Variants in ATAD3B observed in about 807,000 individuals in gnomAD.
ATAD3B encodes ATPase family AAA domain-containing protein 3B.
ATAD3B carries 59 observed loss-of-function variants against 70.2 expected under a neutral mutation model. The observed-to-expected ratio is 0.84, with a 90% CI of 0.68 to 1.04. The LOEUF (loss-of-function observed/expected upper bound fraction) is 1.04. Among genes scored for constraint, ATAD3B ranks in the 50% least tolerant of loss-of-function variants. ATAD3B has a pLI of 0.00. For synonymous variants in ATAD3B, 423 were observed against 388.6 expected (o/e 1.09, Z -1.04); for missense variants, 961 against 913.4 (o/e 1.05, Z -0.67).
rs1257312191 is a variant in ATAD3B, at chr1:1,497,523, A to G, written c.*1706A>G. 2 of 150,376 alleles carry G rather than the reference A, an allele frequency of 1.3e-5. No individual in the cohort carries two copies. 9.3% of individuals were successfully genotyped at this position (150,376 alleles called of 1,614,324 possible). ...CAAGCCTGGCCTCAATTCCTCTTTA[A>G]AGGAATTGCCTAAATCTTAAACCAG... is the stretch of plus-strand genomic sequence containing the variant. On this transcript the variant is annotated 3_prime_UTR_variant, in exon 16 of 16. Transcript: ENST00000673477.
chr1:1,478,684 TCC>T lies in ATAD3B; in HGVS notation c.324_325del (p.Ile108MetfsTer5). On this transcript the variant is annotated frameshift_variant, in exon 3 of 16. Coordinates refer to ENST00000673477, the MANE Select transcript of ATAD3B (RefSeq NM_031921.6). LOFTEE classifies it high-confidence loss of function. Reference sequence around the variant, plus strand: ...GTGGAGCAGCTCAAGAGCGAGCAGATCCGGGCGCAGGCTGAGGAGAGGAGGAA... The same window carrying T: ...GTGGAGCAGCTCAAGAGCGAGCAGATGGGCGCAGGCTGAGGAGAGGAGGAA... 1 of 1,542,058 alleles carries T rather than the reference TCC, an allele frequency of 6.5e-7. No homozygotes were observed. The highest frequency in any genetic ancestry group is 8.7e-7 in the Non-Finnish European group (1 of 1,143,612).
rs1484801975 is a variant in ATAD3B at position 1,482,565 on chromosome 1, G to C, written c.701G>C (p.Gly234Ala). The change falls in exon 7 of 16, where the codon GGG becomes GCG. Residue 234 changes from glycine to alanine, a missense_variant. Coordinates refer to ENST00000673477, the MANE Select transcript of ATAD3B (RefSeq NM_031921.6). ...ESIRTAGTLF[G>A]EGFRAFVTDR... is the part of the protein sequence containing the mutation. ...CGCAGGACGGCTGGCACCTTGTTTG[G>C]GGAAGGATTCCGTGCCTTTGTGACA... The C allele has an allele frequency of 2.5e-6, 4 of 1,613,246 alleles. No individual in the cohort carries two copies. The South Asian group carries it at 4.4e-5, about 18-fold the overall frequency.
At chr1:1,498,445 A>G (rs979388642), downstream of ATAD3B, among the ~76,000 whole-genome samples, 11 of 151,602 alleles carry the variant, frequency 7.3e-5, no homozygotes, top group African/African-American at 2.2e-4. Flanking sequence ...TGGGTGACAG[A>G]GTGAGACCCT....
At chr1:1,480,097 C>T (rs1639828312) in intron 4 of ATAD3B, among the ~76,000 whole-genome samples, 1 of 145,302 alleles carries the variant, frequency 6.9e-6, no homozygotes, top group Non-Finnish European at 1.5e-5. Flanking sequence ...GCGCACACCG[C>T]CGCAAACACA....
chr1:1,499,676 C>T (rs1277771154), downstream of ATAD3B, among the ~76,000 whole-genome samples: 1 of 148,984 alleles, frequency 6.7e-6, no homozygotes, highest in Non-Finnish European at 1.5e-5. Flanking sequence ...TCACTGCAAC[C>T]TCCGCCTGCC....
intron 11 of ATAD3B, 123 bp downstream of exon 11, chr1:1,486,791 G>T: frequency 2.0e-6 from 3 of 1,484,244 alleles, no homozygotes; most frequent in Non-Finnish European, 2.7e-6. Flanking sequence ...TTGTGGCCAC[G>T]CAGGAGGCCC....
rs745796635 is a variant in ATAD3B at position 1,485,221 on chromosome 1, C to G, written c.906+50C>G. 6 of 1,599,380 alleles carry G rather than the reference C, an allele frequency of 3.8e-6. No individual in the cohort carries two copies. The Admixed American group carries it at 5.1e-5, about 14-fold the overall frequency. On this transcript the variant is annotated intron_variant, in intron 8 of 15. Transcript: ENST00000673477. ...CTGAGTGCAGTTCCTGGCTGAGTCC[C>G]TTCTGCCCCACGAGCACAGCCCACG...
rs568324730 is a variant in ATAD3B at position 1,486,248 on chromosome 1, G to A, written c.1089+13G>A. 5.3e-5 allele frequency: 86 copies of A among 1,612,582 alleles called. No homozygotes were observed. The Admixed American group carries it at 5.5e-4, about 10-fold the overall frequency. ...GCTGTTTGCCAAGGTGAGAGCGCCT[G>A]GCTGAACAGGTGGGCCAGGGGCCGC... is the stretch of plus-strand genomic sequence containing the variant. On this transcript the variant is annotated intron_variant, in intron 10 of 15. Transcript: ENST00000673477.
chr1:1,494,482 G>A (rs1179121280), intron 15 of ATAD3B, among the ~76,000 whole-genome samples: 1 of 151,448 alleles, frequency 6.6e-6, no homozygotes, highest in Non-Finnish European at 1.5e-5. Flanking sequence ...ACCCACAGTG[G>A]CGGTCCGGCT....
the ATAD3B span, among the ~76,000 whole-genome samples, chr1:1,502,914 A>G: frequency 1.3e-5 from 2 of 151,406 alleles, no homozygotes; most frequent in Non-Finnish European, 1.5e-5. Flanking sequence ...AGTCTAATAT[A>G]TATATATATA....
downstream of ATAD3B, among the ~76,000 whole-genome samples, chr1:1,498,606 CTT>C (rs1415295899): frequency 2.0e-5 from 3 of 151,888 alleles, no homozygotes; most frequent in Non-Finnish European, 4.4e-5. Context: ...CGGGGTCTCT[CTT>C]TGTTGCCTAG....
At chr1:1,502,366 C>T (rs533388303), downstream of ATAD3B, among the ~76,000 whole-genome samples, 4 of 151,526 alleles carry the variant, frequency 2.6e-5, no homozygotes, top group East Asian at 1.9e-4. Flanking sequence ...AGGCGCCCAC[C>T]ACCGCGCCTG....
In ATAD3B at chr1:1,475,626, A is replaced by C. The variant is rs1044670323; in HGVS notation, c.206-1648A>C. ...CTGTCCTTGGAAGTCACAGCAGTAC[A>C]TTATCCCAGAACTGTCTGTGAGCAC... On this transcript the variant is annotated intron_variant, in intron 1 of 15. Coordinates refer to ENST00000673477, the MANE Select transcript of ATAD3B (RefSeq NM_031921.6). Among the ~76,000 whole-genome samples, 20 of 151,742 alleles carry C rather than the reference A, an allele frequency of 1.3e-4. 2 individuals carry two copies. The highest frequency in any genetic ancestry group is 4.6e-4 in the African/African-American group (19 of 41,324).
intron 7 of ATAD3B, chr1:1,483,969 CTCAGTG>C (rs1410570066): frequency 6.6e-6 from 1 of 152,104 alleles, no homozygotes; most frequent in Non-Finnish European, 1.5e-5. Flanking sequence ...CAAGTGCCCA[CTCAGTG>C]CCGGGCACCT....
Position 1,480,451 on chromosome 1 carries a change from C to T in ATAD3B, c.445-416C>T, listed in dbSNP as rs1053358943. Among the ~76,000 whole-genome samples the T allele has an allele frequency of 4.1e-5, 6 of 146,974 alleles. 1 individual carries two copies. Among genetic ancestry groups the T allele is most frequent in the African/African-American group, 1.5e-4 (6 of 39,252 alleles). On this transcript the variant is annotated intron_variant, in intron 4 of 15. Transcript: ENST00000673477. ...AGAAAAGCTTGGGTGACATCTGTTC[C>T]CTGGTCCTTAGGGACCGTCACCTTC... is the stretch of plus-strand genomic sequence containing the variant.
chr1:1,489,623 T>C, intron 13 of ATAD3B: 1 of 1,319,362 alleles, frequency 7.6e-7, no homozygotes, highest in Non-Finnish European at 1.0e-6. Flanking sequence ...ACCGGCCCTA[T>C]GTCCAGGCTC....
intron 1 of ATAD3B, among the ~76,000 whole-genome samples, chr1:1,473,170 C>T (rs143656588): frequency 0.066 from 7,899 of 120,430 alleles, 306 homozygotes; most frequent in East Asian, 0.16. Context: ...AGATGAGTCT[C>T]GCTCTGTCGC....
chr1:1,503,426 C>G, the ATAD3B span: 1 of 692,632 alleles, frequency 1.4e-6, no homozygotes, highest in Non-Finnish European at 2.5e-6. Flanking sequence ...GGCATCGTCA[C>G]GCCAGGTCTG....
intron 13 of ATAD3B, 136 bp downstream of exon 13, chr1:1,489,410 G>C (rs556264346): frequency 6.8e-7 from 1 of 1,472,104 alleles, no homozygotes; most frequent in Admixed American, 2.0e-5. Flanking sequence ...ATGTCCCCTG[G>C]GAACGGCCCA....
Sources: gnomAD v4.1 joint callset for allele counts (sites outside exome capture counted in the v4.1 genomes callset) on GRCh38, gnomAD v4.1.1 for gene constraint, MANE v1.5 for transcripts, NCBI Gene and HGNC (gene_info 2026-07-23, HGNC 2026-07-21) for gene names.